Variants in ZSCAN5A observed in about 807,000 individuals in gnomAD.
ZSCAN5A encodes zinc finger and SCAN domain-containing protein 5A.
Under a neutral mutation model 23.7 loss-of-function variants are expected in ZSCAN5A, and 12 were observed. That is an observed-to-expected ratio of 0.51 (90% CI 0.32 to 0.82). The LOEUF is 0.82. Ranked by LOEUF, ZSCAN5A falls within the 40% of genes least tolerant of loss-of-function variation. The probability of loss-of-function intolerance (pLI) is 0.03; values close to 1 mark genes in which losing one functional copy is unlikely to be tolerated. For missense variants in ZSCAN5A, 597 were observed against 617.9 expected, an observed-to-expected ratio of 0.97 and a Z score of 0.36; for synonymous variants, 257 against 239.9, an observed-to-expected ratio of 1.07 and a Z score of -0.66.
intron 2 of ZSCAN5A, among the ~76,000 whole-genome samples, chr19:56,358,921 A>T (rs2041715005): frequency 6.6e-6 from 1 of 152,352 alleles, no homozygotes; most frequent in African/African-American, 2.4e-5. Flanking sequence ...ATGCAGCTAA[A>T]GCAGTGTTAA....
intron 2 of ZSCAN5A, chr19:56,286,734 G>C (rs2039153093): frequency 1.3e-5 from 2 of 152,322 alleles, no homozygotes; most frequent in East Asian, 1.9e-4. Context: ...GAATTGGAGA[G>C]AGAAAACCTT....
At chr19:56,223,495 T>A in intron 4 of ZSCAN5A, 136 bp downstream of exon 4, 1 of 886,690 alleles carries the variant, frequency 1.1e-6, no homozygotes, top group Non-Finnish European at 1.7e-6. Context: ...AATGAATGTT[T>A]GGGGATGTAT....
chr19:56,354,117 G>A (rs2041686672), intron 2 of ZSCAN5A, among the ~76,000 whole-genome samples: 2 of 152,300 alleles, frequency 1.3e-5, no homozygotes, highest in South Asian at 2.1e-4. Context: ...TAGTGTGGTG[G>A]TTGCGAGGAG....
intron 2 of ZSCAN5A, among the ~76,000 whole-genome samples, chr19:56,310,818 G>C (rs1055380168): frequency 6.6e-6 from 1 of 152,190 alleles, no homozygotes; most frequent in African/African-American, 2.4e-5. Context: ...TTTGGCTCTG[G>C]AGACAGGTTT....
At chr19:56,266,200 A>G (rs1049656535) in intron 2 of ZSCAN5A, 3 of 152,182 alleles carry the variant, frequency 2.0e-5, no homozygotes, top group Non-Finnish European at 4.4e-5. Flanking sequence ...TAATCACCCA[A>G]TTAAGCTTAA....
At chr19:56,367,107 C>T (rs34157829) in intron 1 of ZSCAN5A, 14,617 of 152,118 alleles carry the variant, frequency 0.096, 831 homozygotes, top group African/African-American at 0.15. Context: ...TGCCTGTAAT[C>T]GCAGCACTTT....
chr19:56,248,713 G>A (rs1280056321), intron 2 of ZSCAN5A, among the ~76,000 whole-genome samples: 1 of 152,152 alleles, frequency 6.6e-6, no homozygotes, highest in Non-Finnish European at 1.5e-5. Flanking sequence ...GAGTATACGT[G>A]TGAGCCACCA....
At chr19:56,359,893 A>G (rs2041723665) in intron 2 of ZSCAN5A, among the ~76,000 whole-genome samples, 1 of 152,112 alleles carries the variant, frequency 6.6e-6, no homozygotes, top group Non-Finnish European at 1.5e-5. Context: ...CATGATAAAA[A>G]CTCTCAATAA....
intron 2 of ZSCAN5A, among the ~76,000 whole-genome samples, chr19:56,272,370 C>G (rs1416357142): frequency 6.6e-6 from 1 of 152,228 alleles, no homozygotes; most frequent in East Asian, 1.9e-4. Flanking sequence ...GTCTTGCAGC[C>G]TGAAAGCTGC....
intron 2 of ZSCAN5A, chr19:56,302,045 G>A (rs1251102440): frequency 2.1e-5 from 26 of 1,231,932 alleles, no homozygotes; most frequent in Non-Finnish European, 2.6e-5. Context: ...CCTGAAATGC[G>A]CCTACATGGT....
intron 2 of ZSCAN5A, chr19:56,281,809 G>A (rs915428689): frequency 1.4e-5 from 8 of 557,848 alleles, no homozygotes; most frequent in Non-Finnish European, 1.8e-5. Context: ...TTCAACCTGG[G>A]GCAGATTCAG....
At chr19:56,243,377 G>A (rs1350722243) in intron 2 of ZSCAN5A, among the ~76,000 whole-genome samples, 1 of 151,930 alleles carries the variant, frequency 6.6e-6, no homozygotes. Context: ...TGAAATTTAT[G>A]AATGTGCATT....
chr19:56,275,818 C>A (rs774759207), intron 2 of ZSCAN5A, among the ~76,000 whole-genome samples: 1 of 152,182 alleles, frequency 6.6e-6, no homozygotes, highest in Non-Finnish European at 1.5e-5. Flanking sequence ...GATTTATCTG[C>A]GTCTCCAACA....
chr19:56,248,443 A>G (rs2036110537), intron 2 of ZSCAN5A, among the ~76,000 whole-genome samples: 1 of 151,748 alleles, frequency 6.6e-6, no homozygotes, highest in African/African-American at 2.4e-5. Flanking sequence ...ATTTTTTTGT[A>G]GAGAGGGGTT....
intron 2 of ZSCAN5A, among the ~76,000 whole-genome samples, chr19:56,254,336 A>G (rs1600104197): frequency 6.6e-6 from 1 of 152,310 alleles, no homozygotes; most frequent in South Asian, 2.1e-4. Context: ...TGTTTTCATC[A>G]TCTTACCTAT....
chr19:56,228,612 G>A (rs1473981094), intron 2 of ZSCAN5A, among the ~76,000 whole-genome samples: 2 of 152,078 alleles, frequency 1.3e-5, no homozygotes, highest in African/African-American at 4.8e-5. Context: ...ATCCTAACAA[G>A]TAAAGAACAT....
chr19:56,324,314 T>A (rs1280464150), intron 2 of ZSCAN5A, among the ~76,000 whole-genome samples: 1 of 152,238 alleles, frequency 6.6e-6, no homozygotes, highest in Non-Finnish European at 1.5e-5. Context: ...TTCTTTTTTA[T>A]GGCTGAATAA....
rs565499328 is a variant in ZSCAN5A, at chr19:56,349,094, A to G, written c.-358+14141T>C. On this transcript the variant is annotated intron_variant, in intron 2 of 6. Transcript: ENST00000587340. ...ACTTGGGAAAGGATAAAACTTATCC[A>G]TGTGCTCAGAAATTGTTTTCAGGCA... 1.4e-4 allele frequency among the ~76,000 whole-genome samples: 22 copies of G among 152,326 alleles called. No homozygotes were observed. The South Asian group carries it at 4.6e-3, about 32-fold the overall frequency.
chr19:56,222,349 C>T (rs755951305), intron 5 of ZSCAN5A, 23 bp from the exon 6 acceptor site: 2 of 1,606,788 alleles, frequency 1.2e-6, no homozygotes, highest in African/African-American at 2.7e-5. Context: ...ATTCCACACA[C>T]ACAGTTAATA....
Sources: allele counts gnomAD v4.1 joint callset (sites outside exome capture counted in the v4.1 genomes callset), GRCh38; gene constraint gnomAD v4.1.1; transcripts MANE v1.5; gene names NCBI Gene and HGNC (gene_info 2026-07-23, HGNC 2026-07-21).